MED30: variants seen among roughly 807,000 people sequenced by gnomAD.
The protein encoded by MED30 is mediator complex subunit 30, also known as mediator of RNA polymerase II transcription subunit 30.
A neutral mutation model predicts 21.7 loss-of-function variants in MED30; 8 were observed. The observed-to-expected ratio is 0.37, with a 90% confidence interval of 0.22 to 0.67. The LOEUF is 0.67. MED30 is among the 30% of genes least tolerant of loss of function. The pLI is 0.58. For synonymous variants in MED30, 79 were observed against 86.7 expected, an observed-to-expected ratio of 0.91 and a Z score of 0.49; for missense variants, 203 against 228.2, an observed-to-expected ratio of 0.89 and a Z score of 0.71.
Position 117,540,003 on chromosome 8 carries a change from A to G in MED30, c.*25A>G, listed in dbSNP as rs750263059. ...AGCTGATATTTAAATTTCCTGCTTT[A>G]CACATGTTATACCATTGTTTTTTCC... is the stretch of plus-strand genomic sequence containing the variant. On this transcript the variant is annotated 3_prime_UTR_variant, in exon 4 of 4. Coordinates refer to ENST00000297347, the MANE Select transcript of MED30 (RefSeq NM_080651.4). 5.1e-6 allele frequency: 7 copies of G among 1,374,954 alleles called. No homozygotes were observed. The South Asian group carries it at 8.6e-5, about 17-fold the overall frequency. The allele number at this position is 1,374,954 out of a possible 1,614,324, so 85.2% of individuals were successfully genotyped here. A position where few individuals can be genotyped will look rare whatever the true frequency, so the allele number is the denominator to read the frequency against.
intron 1 of MED30, among the ~76,000 whole-genome samples, chr8:117,525,460 C>A (rs1346129596): frequency 1.3e-5 from 2 of 151,356 alleles, no homozygotes; most frequent in Non-Finnish European, 2.9e-5. Flanking sequence ...TGTCTTTTAC[C>A]TTTTGGCTCT....
intron 1 of MED30, among the ~76,000 whole-genome samples, chr8:117,526,495 T>A (rs1350302793): frequency 6.6e-6 from 1 of 152,086 alleles, no homozygotes; most frequent in Admixed American, 6.5e-5. Context: ...ATTGATTTTT[T>A]AAATGGGTGT....
rs990970191 is a variant in MED30 at position 117,523,735 on chromosome 8, G to A, written c.177+2682G>A. On this transcript the variant is annotated intron_variant, in intron 1 of 3. Coordinates refer to ENST00000297347, the MANE Select transcript of MED30 (RefSeq NM_080651.4). ...TTAAAAAGGAGTTCATAGGCTAGGCGCGGTGGCTCACGCCTGTAATCCCAG... is the reference window on the plus strand; with the variant it reads ...TTAAAAAGGAGTTCATAGGCTAGGCACGGTGGCTCACGCCTGTAATCCCAG... The A allele has an allele frequency of 8.6e-5, 120 of 1,388,332 alleles. 1 individual carries two copies. Among genetic ancestry groups the A allele is most frequent in the Middle Eastern group, 2.5e-4 (1 of 3,924 alleles). 86.0% of individuals were successfully genotyped at this position (1,388,332 alleles called of 1,614,324 possible). A position where few individuals can be genotyped will look rare whatever the true frequency, so the allele number is the denominator to read the frequency against.
rs1818660621 is a variant in MED30 at position 117,523,317 on chromosome 8, G to C, written c.177+2264G>C. The C allele has an allele frequency of 1.2e-5, 17 of 1,397,020 alleles. 1 individual carries two copies. In the South Asian group the frequency reaches 1.6e-4, roughly 13 times the overall value. The allele number at this position is 1,397,020 out of a possible 1,614,324, so 86.5% of individuals were successfully genotyped here. A position where few individuals can be genotyped will look rare whatever the true frequency, so the allele number is the denominator to read the frequency against. On this transcript the variant is annotated intron_variant, in intron 1 of 3. Transcript: ENST00000297347. Reference sequence around the variant, plus strand: ...CAAATCCGCCTCTAAACTGGAATTCGGTTGTTGACCCAGCCCCAGTCTCGG... The same window carrying C: ...CAAATCCGCCTCTAAACTGGAATTCCGTTGTTGACCCAGCCCCAGTCTCGG...
intron 1 of MED30, among the ~76,000 whole-genome samples, chr8:117,526,534 C>G (rs1369362574): frequency 6.6e-6 from 1 of 151,876 alleles, no homozygotes; most frequent in Non-Finnish European, 1.5e-5. Flanking sequence ...TTCTTGGTGT[C>G]TATGGATACG....
chr8:117,523,406 T>A, intron 1 of MED30: 5 of 1,558,710 alleles, frequency 3.2e-6, no homozygotes, highest in African/African-American at 1.4e-5. Context: ...GCTTCCCCTC[T>A]TGTGAGTCTT....
chr8:117,526,153 A>G (rs1818716786), intron 1 of MED30, among the ~76,000 whole-genome samples: 1 of 152,030 alleles, frequency 6.6e-6, no homozygotes, highest in Non-Finnish European at 1.5e-5. Flanking sequence ...TGTTTGTGTT[A>G]TAGATGAAAA....
At chr8:117,525,501 T>A (rs1028946402) in intron 1 of MED30, among the ~76,000 whole-genome samples, 1 of 152,074 alleles carries the variant, frequency 6.6e-6, no homozygotes, top group African/African-American at 2.4e-5. Context: ...GCATTTTTTT[T>A]AAGTAGTTGA....
intron 1 of MED30, among the ~76,000 whole-genome samples, chr8:117,522,592 T>G (rs1266541525): frequency 6.6e-6 from 1 of 152,018 alleles, no homozygotes; most frequent in African/African-American, 2.4e-5. Context: ...TCAAAAATCT[T>G]ACAGCTCTTA....
chr8:117,521,127 G>A, intron 1 of MED30, 74 bp downstream of exon 1: 1 of 1,429,898 alleles, frequency 7.0e-7, no homozygotes, highest in Non-Finnish European at 9.4e-7. Flanking sequence ...TCTTTACGTG[G>A]GGCCCGTGGA....
intron 1 of MED30, chr8:117,523,391 T>C: frequency 1.3e-6 from 2 of 1,552,368 alleles, no homozygotes; most frequent in South Asian, 2.2e-5. Flanking sequence ...TAGGTATCTC[T>C]GTCGGCTTCC....
chr8:117,536,447 T>A (rs566203258), intron 3 of MED30, among the ~76,000 whole-genome samples: 1 of 152,340 alleles, frequency 6.6e-6, no homozygotes, highest in Non-Finnish European at 1.5e-5. Flanking sequence ...CTAAAATAAG[T>A]AGATTTATAT....
At chr8:117,524,777 GCAT>G (rs76917477) in intron 1 of MED30, among the ~76,000 whole-genome samples, 23,160 of 151,990 alleles carry the variant, frequency 0.15, 1,845 homozygotes, top group Non-Finnish European at 0.17. Flanking sequence ...GATATTCTCT[GCAT>G]ATTAAGCAAA....
At position 117,528,634 on chromosome 8, in the gene MED30, T is replaced by C. The variant is rs1476899202; in HGVS notation, c.178-17T>C. The C allele has an allele frequency of 6.5e-7, 1 of 1,543,918 alleles. No individual in the cohort carries two copies. The highest frequency in any genetic ancestry group is 8.7e-7 in the Non-Finnish European group (1 of 1,148,806). On this transcript the variant is annotated splice_polypyrimidine_tract_variant and intron_variant, in intron 1 of 3. Transcript: ENST00000297347. ...TTTCATTACTTGATATTTTTATTCTTTGTTTTTCCTGATAAGCTGCCAAAT... is the reference window on the plus strand; with the variant it reads ...TTTCATTACTTGATATTTTTATTCTCTGTTTTTCCTGATAAGCTGCCAAAT...
At chr8:117,530,898 T>C in intron 3 of MED30, 71 bp downstream of exon 3, 1 of 1,016,554 alleles carries the variant, frequency 9.8e-7, no homozygotes, top group Non-Finnish European at 1.5e-6. Flanking sequence ...CTGATGTAAC[T>C]CCAAAACATA....
At chr8:117,535,239 CTTTTTTT>C (rs957435711) in intron 3 of MED30, among the ~76,000 whole-genome samples, 2 of 125,776 alleles carry the variant, frequency 1.6e-5, no homozygotes, top group East Asian at 4.5e-4. Context: ...TCCATTGATA[CTTTTTTT>C]TTTTTTTTTT....
At chr8:117,536,390 C>T (rs1011724521) in intron 3 of MED30, among the ~76,000 whole-genome samples, 1 of 152,090 alleles carries the variant, frequency 6.6e-6, no homozygotes, top group African/African-American at 2.4e-5. Context: ...ATTAAAAAGT[C>T]AGAATTTTAT....
rs1222814328 is a variant in MED30, at chr8:117,528,658, A to G, written c.185A>G (p.Asn62Ser). Reference sequence around the variant, plus strand: ...TTTGTTTTTCCTGATAAGCTGCCAAATGGTGTCACTTACCACACTGGAACA... The same window carrying G: ...TTTGTTTTTCCTGATAAGCTGCCAAGTGGTGTCACTTACCACACTGGAACA... Reference protein sequence around the residue: ...FQLLRNMQLPNGVTYHTGTYQ... With the variant: ...FQLLRNMQLPSGVTYHTGTYQ... The change falls in exon 2 of 4, where the codon AAT (asparagine) becomes AGT (serine). Residue 62 changes from asparagine (N) to serine (S), a missense_variant. Asn to Ser is a conservative substitution (Grantham distance 46). Coordinates refer to ENST00000297347, the MANE Select transcript of MED30 (RefSeq NM_080651.4). 1.3e-6 allele frequency: 2 copies of G among 1,565,456 alleles called. No homozygotes were observed. Among genetic ancestry groups the G allele is most frequent in the African/African-American group, 2.8e-5 (2 of 72,296 alleles).
chr8:117,540,033 A>G lies in MED30; in HGVS notation c.*55A>G. 9.6e-7 allele frequency: 1 copy of G among 1,040,894 alleles called. No homozygotes were observed. The highest frequency in any genetic ancestry group is 1.7e-5 in the South Asian group (1 of 59,602). The allele number at this position is 1,040,894 out of a possible 1,614,324, so 64.5% of individuals were successfully genotyped here. A position where few individuals can be genotyped will look rare whatever the true frequency, so the allele number is the denominator to read the frequency against. ...TGTTATACCATTGTTTTTTCCCTCA[A>G]GTATTTTTTCCCTGTGAAGAAGATT... On this transcript the variant is annotated 3_prime_UTR_variant, in exon 4 of 4. Transcript: ENST00000297347.
Sources: allele counts gnomAD v4.1 joint callset (sites outside exome capture counted in the v4.1 genomes callset), GRCh38; gene constraint gnomAD v4.1.1; transcripts MANE v1.5; gene names NCBI Gene and HGNC (gene_info 2026-07-23, HGNC 2026-07-21).